The following VSIG10L2 variants were observed in gnomAD, a reference collection of about 807,000 sequenced individuals.
VSIG10L2 encodes V-set and immunoglobulin domain-containing protein 10-like 2.
A neutral mutation model predicts 67.1 loss-of-function variants in VSIG10L2; 56 were observed. The ratio of observed to expected loss-of-function variants is 0.83; its 90% CI spans 0.67 to 1.04. VSIG10L2 has a LOEUF of 1.04. Among genes scored for constraint, VSIG10L2 ranks in the 50% least tolerant of loss-of-function variants. VSIG10L2 has a pLI of 0.00. For missense variants in VSIG10L2, 843 were observed against 932.8 expected, an observed-to-expected ratio of 0.90 and a Z score of 1.25; for synonymous variants, 360 against 396.6, an observed-to-expected ratio of 0.91 and a Z score of 1.10.
rs1041301734 is a variant in VSIG10L2 at position 125,951,265 on chromosome 11, A to G, written c.1234+107A>G. On this transcript the variant is annotated intron_variant, in intron 5 of 11. Coordinates refer to ENST00000686984, the MANE Select transcript of VSIG10L2 (RefSeq NM_001365077.2). Reference sequence around the variant, plus strand: ...GGATCTGGGTGGCTCTCCAGACCGCAGGCTCCAAAACACGCCATGTAACAA... The same window carrying G: ...GGATCTGGGTGGCTCTCCAGACCGCGGGCTCCAAAACACGCCATGTAACAA... 36 of 1,110,782 alleles carry G rather than the reference A, an allele frequency of 3.2e-5. No homozygotes were observed. In the African/African-American group the frequency reaches 5.7e-4, roughly 17 times the overall value. 68.8% of individuals were successfully genotyped at this position (1,110,782 alleles called of 1,614,324 possible).
In VSIG10L2 at chr11:125,955,086, G is replaced by A; in HGVS notation, c.2113G>A (p.Val705Met). ...ADPPFSAYPA[V>M]LGAAGTGMVV... ...CCCCCCCTTCAGCGCCTACCCAGCG[G>A]TGTTGGGTGCAGCAGGCACGGGAAT... The change falls in exon 9 of 12, where the codon GTG (valine) becomes ATG (methionine). Residue 705 changes from valine to methionine, a missense_variant. Coordinates refer to ENST00000686984, the MANE Select transcript of VSIG10L2 (RefSeq NM_001365077.2). 8.1e-7 allele frequency: 1 copy of A among 1,237,634 alleles called. No individual in the cohort carries two copies. Among genetic ancestry groups the A allele is most frequent in the East Asian group, 3.1e-5 (1 of 31,828 alleles). The allele number at this position is 1,237,634 out of a possible 1,614,324, so 76.7% of individuals were successfully genotyped here. A position where few individuals can be genotyped will look rare whatever the true frequency, so the allele number is the denominator to read the frequency against.
chr11:125,947,746 G>A lies in VSIG10L2; in HGVS notation c.143G>A (p.Arg48Gln), dbSNP rs986186332. The A allele has an allele frequency of 1.5e-5, 19 of 1,232,294 alleles. No individual in the cohort carries two copies. The highest frequency in any genetic ancestry group is 8.4e-5 in the Admixed American group (2 of 23,710). The allele number at this position is 1,232,294 out of a possible 1,614,324, so 76.3% of individuals were successfully genotyped here. Reference sequence around the variant, plus strand: ...GAGGTGGTGTCTGTCCAGGGAGTGCGAGGTGGCTCCGTGGAGCTGGCCTGT... The same window carrying A: ...GAGGTGGTGTCTGTCCAGGGAGTGCAAGGTGGCTCCGTGGAGCTGGCCTGT... The part of the protein sequence containing the change: ...VEEVVSVQGV[R>Q]GGSVELACGS... The change falls in exon 2 of 12, where the codon CGA becomes CAA. Residue 48 changes from arginine to glutamine, a missense_variant. By Grantham distance (43) the Arg-to-Gln change is conservative. This residue lies in a region of VSIG10L2 where 446 missense variants were observed against 548.4 expected (regional missense o/e 0.81). Transcript: ENST00000686984.
At chr11:125,948,633 C>T in intron 3 of VSIG10L2, 53 bp downstream of exon 3, 1 of 1,229,712 alleles carries the variant, frequency 8.1e-7, no homozygotes, top group Non-Finnish European at 1.0e-6. Context: ...ATCTCCCCAT[C>T]CACACTCAGC....
intron 4 of VSIG10L2, 87 bp downstream of exon 4, chr11:125,950,376 C>T (rs558694593): frequency 3.3e-5 from 40 of 1,211,586 alleles, no homozygotes; most frequent in African/African-American, 2.8e-4. Context: ...GGGCAGACCC[C>T]GCCGTCCCGT....
Position 125,952,082 on chromosome 11 carries a change from G to C in VSIG10L2, c.1495+9G>C. 6.6e-7 allele frequency: 1 copy of C among 1,526,182 alleles called. No homozygotes were observed. The highest frequency in any genetic ancestry group is 8.8e-7 in the Non-Finnish European group (1 of 1,139,808). The allele number at this position is 1,526,182 out of a possible 1,614,324, so 94.5% of individuals were successfully genotyped here. ...CTGCCACCTCCAGCTGGGTGAGTAG[G>C]GGCTAGCGAGTTTGTTCTGGGGCTG... On this transcript the variant is annotated intron_variant, in intron 6 of 11. Transcript: ENST00000686984.
chr11:125,955,835 C>A lies in VSIG10L2; in HGVS notation c.2303C>A (p.Thr768Asn). 2.8e-6 allele frequency: 2 copies of A among 718,042 alleles called. No homozygotes were observed. The allele number at this position is 718,042 out of a possible 1,614,324, so 44.5% of individuals were successfully genotyped here. ...EAPAGLETPT[T>N]TPGLDPAQET... is the part of the protein sequence containing the mutation. ...TTCATAGGCCTTGAAACACCAACCA[C>A]CACCCCAGGTTTGGATCCTGCACAA... Residue 768 changes from threonine (T) to asparagine (N), a missense_variant, in exon 12 of 12, where the codon ACC becomes AAC. By Grantham distance (65) the Thr-to-Asn change is moderately conservative. Transcript: ENST00000686984.
Position 125,955,167 on chromosome 11 carries a change from G to A in VSIG10L2, c.2194G>A (p.Glu732Lys), listed in dbSNP as rs1945443018. 11 of 1,251,064 alleles carry A rather than the reference G, an allele frequency of 8.8e-6. No individual in the cohort carries two copies. The highest frequency in any genetic ancestry group is 1.1e-5 in the Non-Finnish European group (11 of 999,458). The allele number at this position is 1,251,064 out of a possible 1,614,324, so 77.5% of individuals were successfully genotyped here. Residue 732 changes from glutamate (E) to lysine (K), a missense_variant, in exon 9 of 12, where the codon GAG (glutamate) becomes AAG (lysine). Physicochemically the swap from Glu to Lys is moderately conservative, Grantham distance 56 (BLOSUM62 1). Coordinates refer to ENST00000686984, the MANE Select transcript of VSIG10L2 (RefSeq NM_001365077.2). ...GTTCCAGTATGCTGCCCGGCACCCA[G>A]AGACTTTCCCCCGTGAGTGGGAATC... ...LVFQYAARHP[E>K]TFPRLGQLLV...
rs917437752 is a variant in VSIG10L2, at chr11:125,952,036, G to A, written c.1458G>A (p.Leu486=). The A allele has an allele frequency of 1.6e-5, 25 of 1,535,638 alleles. No individual in the cohort carries two copies. In the East Asian group the frequency reaches 6.1e-4, roughly 38 times the overall value. ...GREFTCRGTH[L]LRTPDPHCHL... The stretch of plus-strand genomic sequence containing the variant: ...AGTTCACCTGCCGGGGCACTCACCT[G>A]CTCAGGACCCCTGACCCCCACTGCC... The change falls in exon 6 of 12, where the codon CTG becomes CTA. Residue 486 remains leucine (L), a synonymous_variant. Coordinates refer to ENST00000686984, the MANE Select transcript of VSIG10L2 (RefSeq NM_001365077.2).
In VSIG10L2 at chr11:125,955,598, T is replaced by C. The variant is rs1021529422; in HGVS notation, c.2232-17T>C. On this transcript the variant is annotated splice_polypyrimidine_tract_variant and intron_variant, in intron 10 of 11. Coordinates refer to ENST00000686984, the MANE Select transcript of VSIG10L2 (RefSeq NM_001365077.2). The stretch of plus-strand genomic sequence containing the variant: ...AAGTGAGTTGCCACTAACTTTACTC[T>C]CCCACTTCACTCTCAGGGAGCAAAG... 4 of 1,526,368 alleles carry C rather than the reference T, an allele frequency of 2.6e-6. No individual in the cohort carries two copies. Among genetic ancestry groups the C allele is most frequent in the Middle Eastern group, 3.4e-4 (2 of 5,946 alleles). The allele number at this position is 1,526,368 out of a possible 1,614,324, so 94.6% of individuals were successfully genotyped here.
chr11:125,949,677 C>T (rs77265080), intron 3 of VSIG10L2, among the ~76,000 whole-genome samples: 1,954 of 152,294 alleles, frequency 0.013, 49 homozygotes, highest in African/African-American at 0.042. Flanking sequence ...CTGCAGTCTA[C>T]AGTGGCCGAA....
chr11:125,952,196 G>C, intron 6 of VSIG10L2, 123 bp downstream of exon 6: 1 of 1,307,910 alleles, frequency 7.6e-7, no homozygotes, highest in Non-Finnish European at 1.0e-6. Flanking sequence ...TGCGGACGGG[G>C]AAGCTAGGAG....
In VSIG10L2 at chr11:125,951,032, G is replaced by C; in HGVS notation, c.1108G>C (p.Gly370Arg). 8.1e-7 allele frequency: 1 copy of C among 1,232,430 alleles called. No homozygotes were observed. Among genetic ancestry groups the C allele is most frequent in the Non-Finnish European group, 1.0e-6 (1 of 988,222 alleles). The allele number at this position is 1,232,430 out of a possible 1,614,324, so 76.3% of individuals were successfully genotyped here. The stretch of plus-strand genomic sequence containing the variant: ...GCAGTGGGAAGGGCCTCAGGGACCT[G>C]GCCCTACTGCCCCCAGCAACGTCAC... ...QLQWEGPQGP[G>R]PTAPSNVTWS... is the part of the protein sequence containing the mutation. Residue 370 changes from glycine to arginine, a missense_variant, in exon 5 of 12, where the codon GGC becomes CGC. Around this residue, in one of 2 missense-constraint regions of VSIG10L2, gnomAD observed 446 missense variants for 548.4 expected, o/e 0.81. Transcript: ENST00000686984.
Position 125,946,544 on chromosome 11 carries a change from C to CTTTTTTTT in VSIG10L2, c.82+413_82+420dup, listed in dbSNP as rs745417197. On this transcript the variant is annotated intron_variant, in intron 1 of 11. Transcript: ENST00000686984. This position sits in a 1 kb window ranked among gnomAD's most constrained non-coding sequence, Gnocchi z 4.4. ...GGTTTCTGGGTTACATATTTTTATTCTTTTTTTTTTTTTGAGATGGAGTCT... is the reference window on the plus strand; with the variant it reads ...GGTTTCTGGGTTACATATTTTTATTCTTTTTTTTTTTTTTTTTTTTTGAGATGGAGTCT... 1.4e-5 allele frequency among the ~76,000 whole-genome samples: 2 copies of CTTTTTTTT among 142,940 alleles called. No homozygotes were observed. The highest frequency in any genetic ancestry group is 1.5e-5 in the Non-Finnish European group (1 of 65,346). 93.8% of individuals were successfully genotyped at this position (142,940 alleles called of 152,430 possible). A position where few individuals can be genotyped will look rare whatever the true frequency, so the allele number is the denominator to read the frequency against.
chr11:125,954,284 C>T lies in VSIG10L2; in HGVS notation c.1984C>T (p.Arg662Trp), dbSNP rs1266172633. The T allele has an allele frequency of 9.7e-6, 12 of 1,232,148 alleles. No homozygotes were observed. In the East Asian group the frequency reaches 2.2e-4, roughly 23 times the overall value. The allele number at this position is 1,232,148 out of a possible 1,614,324, so 76.3% of individuals were successfully genotyped here. A position where few individuals can be genotyped will look rare whatever the true frequency, so the allele number is the denominator to read the frequency against. Residue 662 changes from arginine to tryptophan, a missense_variant, in exon 8 of 12, where the codon CGG becomes TGG. Around this residue, in one of 2 missense-constraint regions of VSIG10L2, gnomAD observed 397 missense variants for 384.4 expected, o/e 1.03. Transcript: ENST00000686984. ...ASDIEPESRGRRLGGLDPGVL... is the reference protein window; with the variant it reads ...ASDIEPESRGWRLGGLDPGVL... ...TGACATCGAGCCAGAGAGCCGAGGA[C>T]GGCGGCTGGGGGGCTTGGACCCCGG...
At chr11:125,948,236 G>A (rs1338918471) in intron 2 of VSIG10L2, 69 bp from the exon 3 acceptor site, 5 of 1,231,948 alleles carry the variant, frequency 4.1e-6, no homozygotes, top group Non-Finnish European at 5.1e-6. Flanking sequence ...CAGGGGTGGG[G>A]GCGCTGGACA....
At chr11:125,951,230 G>A (rs1181295424) in intron 5 of VSIG10L2, 72 bp downstream of exon 5, 67 of 1,227,698 alleles carry the variant, frequency 5.5e-5, no homozygotes, top group Non-Finnish European at 6.4e-5. Flanking sequence ...GGGTAGAGGC[G>A]GGGGGCCTGG....
Position 125,947,720 on chromosome 11 carries a change from GGAGGTGGTGTCTGTCCAGGGAGTGC to G in VSIG10L2, c.125_149del (p.Val42AlafsTer51). The G allele has an allele frequency of 8.1e-7, 1 of 1,232,338 alleles. No homozygotes were observed. Among genetic ancestry groups the G allele is most frequent in the Non-Finnish European group, 1.0e-6 (1 of 988,096 alleles). The allele number at this position is 1,232,338 out of a possible 1,614,324, so 76.3% of individuals were successfully genotyped here. A position where few individuals can be genotyped will look rare whatever the true frequency, so the allele number is the denominator to read the frequency against. ...ACCCGACCCCCGAGGCCCCTGTAGA[GGAGGTGGTGTCTGTCCAGGGAGTGC>G]GAGGTGGCTCCGTGGAGCTGGCCTG... On this transcript the variant is annotated frameshift_variant, in exon 2 of 12. Coordinates refer to ENST00000686984, the MANE Select transcript of VSIG10L2 (RefSeq NM_001365077.2). LOFTEE classifies it high-confidence loss of function.
chr11:125,948,132 G>T, intron 2 of VSIG10L2, 96 bp downstream of exon 2: 1 of 1,231,792 alleles, frequency 8.1e-7, no homozygotes, highest in South Asian at 4.2e-5. Context: ...GCGGGACCCA[G>T]GTTCTAAAGG....
At position 125,955,796 on chromosome 11, in the gene VSIG10L2, G is replaced by A. The variant is rs528992814; in HGVS notation, c.2285-21G>A. 6 of 841,680 alleles carry A rather than the reference G, an allele frequency of 7.1e-6. No homozygotes were observed. The East Asian group carries it at 1.6e-4, about 22-fold the overall frequency. The allele number at this position is 841,680 out of a possible 1,614,324, so 52.1% of individuals were successfully genotyped here. On this transcript the variant is annotated intron_variant, in intron 11 of 11. Transcript: ENST00000686984. ...CTCCCAAAGCATCCCTCTGTTCTTT[G>A]CCCACATATGCTCTTCATAGGCCTT...
Sources: gnomAD v4.1 joint callset for allele counts (sites outside exome capture counted in the v4.1 genomes callset) on GRCh38, gnomAD v4.1.1 for gene constraint, gnomAD v4.1.1 regional missense constraint, Gnocchi (gnomAD v3.1) non-coding constraint, MANE v1.5 for transcripts, NCBI Gene and HGNC (gene_info 2026-07-23, HGNC 2026-07-21) for gene names.